Variants in DARS2 observed in about 807,000 individuals in gnomAD.
The protein encoded by DARS2 is aspartyl-tRNA synthetase 2, mitochondrial, also known as aspartate--tRNA ligase, mitochondrial.
DARS2 carries 63 observed loss-of-function variants against 83.0 expected under a neutral mutation model. The observed-to-expected ratio is 0.76, with a 90% CI of 0.62 to 0.94. DARS2 has a LOEUF of 0.94. Ranked by LOEUF, DARS2 falls within the 40% of genes least tolerant of loss-of-function variation. The pLI is 0.00. For synonymous variants in DARS2, 250 were observed against 269.3 expected, an observed-to-expected ratio of 0.93 and a Z score of 0.70; for missense variants, 675 against 774.4, an observed-to-expected ratio of 0.87 and a Z score of 1.52.
intron 1 of DARS2, among the ~76,000 whole-genome samples, chr1:173,825,641 C>T (rs1273139909): frequency 6.6e-6 from 1 of 151,188 alleles, no homozygotes; most frequent in Admixed American, 6.6e-5. Flanking sequence ...GCTAATTTTT[C>T]TGTATTTTTG....
chr1:173,838,622 C>T (rs1016388014), intron 9 of DARS2, among the ~76,000 whole-genome samples: 7 of 151,988 alleles, frequency 4.6e-5, no homozygotes, highest in African/African-American at 1.7e-4. Flanking sequence ...AAACAAATCT[C>T]TTATATATTA....
chr1:173,853,926 TC>T, intron 15 of DARS2, 21 bp downstream of exon 15: 1 of 1,568,542 alleles, frequency 6.4e-7, no homozygotes, highest in Non-Finnish European at 8.8e-7. Context: ...TCATCTGCTA[TC>T]CTGGGCTTAT....
At chr1:173,845,962 C>A (rs191249088) in intron 12 of DARS2, among the ~76,000 whole-genome samples, 1 of 152,222 alleles carries the variant, frequency 6.6e-6, no homozygotes, top group East Asian at 1.9e-4. Flanking sequence ...TTGAGACCAT[C>A]CTGGCTAACA....
chr1:173,853,305 C>T lies in DARS2; in HGVS notation c.1345-44C>T, dbSNP rs781127115. The T allele has an allele frequency of 4.4e-6, 7 of 1,587,262 alleles. No individual in the cohort carries two copies. In the Admixed American group the frequency reaches 1.0e-4, roughly 23 times the overall value. ...TCCAGGCTGTGTCATTTCCTGCCTG[C>T]TCTGTCAAGAAGTTAACTCAATGTT... On this transcript the variant is annotated intron_variant, in intron 13 of 16. Coordinates refer to ENST00000649689, the MANE Select transcript of DARS2 (RefSeq NM_018122.5).
chr1:173,847,844 C>CT (rs1160841148), intron 12 of DARS2, among the ~76,000 whole-genome samples: 4,540 of 78,630 alleles, frequency 0.058, 81 homozygotes, highest in Non-Finnish European at 0.071. Context: ...CTTTCTGAAC[C>CT]TTTTTTTTTT....
intron 11 of DARS2, among the ~76,000 whole-genome samples, chr1:173,843,044 CATT>C (rs2102651571): frequency 6.6e-6 from 1 of 152,012 alleles, no homozygotes; most frequent in East Asian, 1.9e-4. Flanking sequence ...TTATTTACAC[CATT>C]TCAAGTTTGT....
At chr1:173,842,284 C>CTTTTTTT (rs1178547914) in intron 11 of DARS2, among the ~76,000 whole-genome samples, 1,069 of 64,240 alleles carry the variant, frequency 0.017, 256 homozygotes, top group Admixed American at 0.026. Flanking sequence ...TCATTACTTT[C>CTTTTTTT]TTTTTTTTTT....
intron 9 of DARS2, among the ~76,000 whole-genome samples, chr1:173,838,961 T>G (rs972809283): frequency 1.3e-5 from 2 of 152,104 alleles, no homozygotes; most frequent in African/African-American, 4.8e-5. Flanking sequence ...GGTCTGGATC[T>G]CCTGACCTCG....
At chr1:173,832,491 C>T (rs1652827354) in intron 5 of DARS2, among the ~76,000 whole-genome samples, 1 of 152,110 alleles carries the variant, frequency 6.6e-6, no homozygotes, top group African/African-American at 2.4e-5. Context: ...GCAAACTAGG[C>T]TGGGCATGGT....
At chr1:173,828,226 C>T (rs1652658242) in intron 2 of DARS2, 107 bp from the exon 3 acceptor site, 2 of 1,072,252 alleles carry the variant, frequency 1.9e-6, no homozygotes, top group African/African-American at 1.7e-5. Context: ...AAAAAAGAAA[C>T]ATGAAAAATT....
chr1:173,847,519 A>G (rs1004868431), intron 12 of DARS2, among the ~76,000 whole-genome samples: 5 of 151,892 alleles, frequency 3.3e-5, no homozygotes, highest in Non-Finnish European at 7.4e-5. Flanking sequence ...TACTACTACT[A>G]TTTTTTATGA....
At chr1:173,851,833 C>T (rs1251238529) in intron 13 of DARS2, 2 of 985,210 alleles carry the variant, frequency 2.0e-6, no homozygotes, top group Admixed American at 6.2e-5. Context: ...GTTTCTTCCA[C>T]AGAAAAAGTT....
At chr1:173,836,912 C>G (rs1553202214) in intron 7 of DARS2, 28 bp from the exon 8 acceptor site, 10 of 1,588,748 alleles carry the variant, frequency 6.3e-6, no homozygotes, top group South Asian at 3.3e-5. Flanking sequence ...AATAATCTGT[C>G]TTCTCTCTCT....
chr1:173,826,671 T>C lies in DARS2; in HGVS notation c.128-16T>C. 2 of 1,574,190 alleles carry C rather than the reference T, an allele frequency of 1.3e-6. No homozygotes were observed. The highest frequency in any genetic ancestry group is 1.7e-6 in the Non-Finnish European group (2 of 1,161,440). Reference sequence around the variant, plus strand: ...ATCTTGCCTTTTAAAGTTTCTTTTTTTTTTTTTTTTTAAAGAATTCAGTAG... The same window carrying C: ...ATCTTGCCTTTTAAAGTTTCTTTTTCTTTTTTTTTTTAAAGAATTCAGTAG... On this transcript the variant is annotated splice_polypyrimidine_tract_variant and intron_variant, in intron 1 of 16. Transcript: ENST00000649689.
chr1:173,850,568 A>G, intron 13 of DARS2, 89 bp downstream of exon 13: 2 of 1,338,426 alleles, frequency 1.5e-6, no homozygotes, highest in South Asian at 2.6e-5. Context: ...TGAACTGTAG[A>G]CTGTTAATTC....
At chr1:173,838,016 G>A (rs1653068992) in intron 8 of DARS2, among the ~76,000 whole-genome samples, 174 bp from the exon 9 acceptor site, 1 of 152,146 alleles carries the variant, frequency 6.6e-6, no homozygotes, top group Non-Finnish European at 1.5e-5. Flanking sequence ...CTCATGATCT[G>A]CCCGCCTTGG....
In DARS2 at chr1:173,858,068, G is replaced by A; in HGVS notation, c.*363G>A. ...GAGGTAATCAAATTATGTGTGAAAT[G>A]TAGGAAAATGCTTGCCCCTGTAAAC... On this transcript the variant is annotated 3_prime_UTR_variant, in exon 17 of 17. Transcript: ENST00000649689. 3.5e-6 allele frequency: 1 copy of A among 283,622 alleles called. No homozygotes were observed. 17.6% of individuals were successfully genotyped at this position (283,622 alleles called of 1,614,324 possible).
At chr1:173,826,065 A>T (rs1281612097) in intron 1 of DARS2, among the ~76,000 whole-genome samples, 1 of 148,226 alleles carries the variant, frequency 6.7e-6, no homozygotes, top group South Asian at 2.2e-4. Flanking sequence ...TACTAAAAAT[A>T]AAAAAAAAAT....
At chr1:173,835,332 C>G (rs61827881) in intron 7 of DARS2, among the ~76,000 whole-genome samples, 6 of 150,562 alleles carry the variant, frequency 4.0e-5, no homozygotes, top group African/African-American at 7.3e-5. Flanking sequence ...CTCAGGTGAT[C>G]CACCCGCCTC....
Sources: allele counts gnomAD v4.1 joint callset (sites outside exome capture counted in the v4.1 genomes callset), GRCh38; gene constraint gnomAD v4.1.1; transcripts MANE v1.5; gene names NCBI Gene and HGNC (gene_info 2026-07-23, HGNC 2026-07-21).